Variants in ANKS1B observed in about 807,000 individuals in gnomAD.
ANKS1B encodes the protein ankyrin repeat and sterile alpha motif domain containing 1B, also known as ankyrin repeat and sterile alpha motif domain-containing protein 1B.
Under a neutral mutation model 148.3 loss-of-function variants are expected in ANKS1B, and 36 were observed. The observed-to-expected ratio is 0.24, with a 90% CI of 0.19 to 0.32. The LOEUF (loss-of-function observed/expected upper bound fraction) is 0.32. Ranked by LOEUF, ANKS1B falls within the 10% of genes least tolerant of loss-of-function variation. The pLI, the probability that ANKS1B is intolerant of heterozygous loss-of-function variation, is 1.00. For missense variants in ANKS1B, 1,157 were observed against 1,542.6 expected, an observed-to-expected ratio of 0.75 and a Z score of 4.19; for synonymous variants, 542 against 560.8, an observed-to-expected ratio of 0.97 and a Z score of 0.47.
At chr12:99,036,871 T>C (rs1400453639) in intron 17 of ANKS1B, among the ~76,000 whole-genome samples, 1 of 152,230 alleles carries the variant, frequency 6.6e-6, no homozygotes, top group Admixed American at 6.5e-5. Context: ...AAGCCCTCTA[T>C]ATGAAGGAAA....
At chr12:99,376,538 G>A (rs1316228367) in intron 12 of ANKS1B, among the ~76,000 whole-genome samples, 2 of 152,152 alleles carry the variant, frequency 1.3e-5, no homozygotes, top group Non-Finnish European at 2.9e-5. Context: ...TTATTGCTTT[G>A]AACTTCAAAG....
chr12:98,834,384 T>C (rs1022433033), intron 17 of ANKS1B, among the ~76,000 whole-genome samples: 13 of 152,214 alleles, frequency 8.5e-5, no homozygotes, highest in Non-Finnish European at 1.3e-4. Context: ...GTTTAAAATG[T>C]CCTTCCTAAG....
chr12:99,479,768 A>G (rs1156740976), intron 10 of ANKS1B, among the ~76,000 whole-genome samples: 2 of 151,972 alleles, frequency 1.3e-5, no homozygotes, highest in East Asian at 1.9e-4. Flanking sequence ...CGAAAGGAGA[A>G]TGTTAGTCTA....
Position 99,655,214 on chromosome 12 carries a change from A to G in ANKS1B, c.1129-4T>C, listed in dbSNP as rs562827589. On this transcript the variant is annotated splice_region_variant and splice_polypyrimidine_tract_variant and intron_variant, in intron 8 of 26. Coordinates refer to ENST00000683438, the MANE Select transcript of ANKS1B (RefSeq NM_001352186.2). Reference sequence around the variant, plus strand: ...AATTGATTGTAGATGAGGTTCTCTGAAATTAAATTTATATCATACCAATAT... The same window carrying G: ...AATTGATTGTAGATGAGGTTCTCTGGAATTAAATTTATATCATACCAATAT... The G allele has an allele frequency of 1.3e-6, 2 of 1,595,772 alleles. No homozygotes were observed. The highest frequency in any genetic ancestry group is 2.7e-5 in the African/African-American group (2 of 74,444).
At chr12:99,641,177 C>CA (rs1227655419) in intron 9 of ANKS1B, among the ~76,000 whole-genome samples, 1 of 152,052 alleles carries the variant, frequency 6.6e-6, no homozygotes, top group African/African-American at 2.4e-5. Flanking sequence ...AGGCCACAAA[C>CA]AAAACAATTT....
chr12:99,505,232 A>G (rs567558467), intron 9 of ANKS1B, among the ~76,000 whole-genome samples: 32 of 152,260 alleles, frequency 2.1e-4, no homozygotes, highest in South Asian at 8.3e-4. Context: ...GAATGGCAAC[A>G]GAAGGATAAA....
intron 1 of ANKS1B, among the ~76,000 whole-genome samples, chr12:99,889,583 A>C (rs11110087): frequency 0.061 from 9,347 of 152,130 alleles, 319 homozygotes; most frequent in Middle Eastern, 0.15. Context: ...CATTTTAAAA[A>C]CTCATTTTCC....
intron 1 of ANKS1B, among the ~76,000 whole-genome samples, chr12:99,927,161 GA>G (rs5800391): frequency 0.12 from 18,233 of 151,196 alleles, 1,455 homozygotes; most frequent in Middle Eastern, 0.18. Flanking sequence ...AAAGCTGAAA[GA>G]AAAAAAAATA....
intron 8 of ANKS1B, among the ~76,000 whole-genome samples, chr12:99,740,497 G>A (rs2059995081): frequency 6.6e-6 from 1 of 152,084 alleles, no homozygotes; most frequent in African/African-American, 2.4e-5. Context: ...ACAAGAAAAA[G>A]GATCTGCTCA....
intron 25 of ANKS1B, among the ~76,000 whole-genome samples, chr12:98,771,731 G>T (rs571627446): frequency 3.3e-5 from 5 of 152,012 alleles, no homozygotes; most frequent in Admixed American, 3.3e-4. Flanking sequence ...TGCCCACCTC[G>T]GCCTCCAAAA....
At chr12:99,464,727 A>G (rs1166991534) in intron 10 of ANKS1B, among the ~76,000 whole-genome samples, 3 of 152,220 alleles carry the variant, frequency 2.0e-5, no homozygotes, top group Non-Finnish European at 4.4e-5. Context: ...TGAAGCCAGA[A>G]GGGAAGTTTA....
intron 17 of ANKS1B, among the ~76,000 whole-genome samples, chr12:98,959,586 C>A (rs2099867868): frequency 6.6e-6 from 1 of 152,182 alleles, no homozygotes; most frequent in Admixed American, 6.5e-5. Context: ...CCAAACTGAA[C>A]AACTATGCAC....
chr12:99,325,748 T>C (rs1395854070), intron 12 of ANKS1B, among the ~76,000 whole-genome samples: 1 of 152,146 alleles, frequency 6.6e-6, no homozygotes, highest in African/African-American at 2.4e-5. Context: ...AGCATGGTTT[T>C]ATCAGTACGA....
intron 2 of ANKS1B, among the ~76,000 whole-genome samples, chr12:99,821,149 A>G (rs567217265): frequency 5.7e-4 from 86 of 152,168 alleles, no homozygotes; most frequent in Non-Finnish European, 1.0e-3. Flanking sequence ...GTAAGAAACA[A>G]TGGAGAATAT....
intron 10 of ANKS1B, among the ~76,000 whole-genome samples, chr12:99,491,985 A>G (rs2096560065): frequency 6.6e-6 from 1 of 152,150 alleles, no homozygotes; most frequent in Admixed American, 6.5e-5. Context: ...ACAACCTAAC[A>G]TCACAACTAA....
At chr12:99,743,394 C>T (rs1171947357) in intron 8 of ANKS1B, among the ~76,000 whole-genome samples, 1 of 152,080 alleles carries the variant, frequency 6.6e-6, no homozygotes, top group East Asian at 1.9e-4. Flanking sequence ...AACTTTGTCT[C>T]CATTATGAAT....
chr12:99,819,587 C>T (rs1292676314), intron 2 of ANKS1B, among the ~76,000 whole-genome samples: 3 of 151,490 alleles, frequency 2.0e-5, no homozygotes, highest in Non-Finnish European at 3.0e-5. Flanking sequence ...AAACAATATA[C>T]ATATTTCAGA....
At position 98,997,985 on chromosome 12, in the gene ANKS1B, C is replaced by T. The variant is rs77956448; in HGVS notation, c.2778+55172G>A. Among the ~76,000 whole-genome samples, 387 of 152,272 alleles carry T rather than the reference C, an allele frequency of 2.5e-3. 12 individuals carry two copies. The East Asian group carries it at 0.045, about 18-fold the overall frequency. On this transcript the variant is annotated intron_variant, in intron 17 of 26. Coordinates refer to ENST00000683438, the MANE Select transcript of ANKS1B (RefSeq NM_001352186.2). ...CATTTTAATTACCCCTGATAATGTT[C>T]ATGAATACTGCCTTGGCCTGTCTTC...
intron 1 of ANKS1B, among the ~76,000 whole-genome samples, chr12:99,885,958 A>G (rs956914812): frequency 5.3e-5 from 8 of 152,186 alleles, no homozygotes; most frequent in Admixed American, 5.2e-4. Context: ...ATGGCTGAGT[A>G]GTATTCCATG....
Sources: allele counts gnomAD v4.1 joint callset (sites outside exome capture counted in the v4.1 genomes callset), GRCh38; gene constraint gnomAD v4.1.1; transcripts MANE v1.5; gene names NCBI Gene and HGNC (gene_info 2026-07-23, HGNC 2026-07-21).